The following EPC2 variants were observed in gnomAD, a reference collection of about 807,000 sequenced individuals.
EPC2 encodes enhancer of polycomb homolog 2.
In EPC2, 14 loss-of-function variants were observed where a neutral mutation model predicts 92.1. The observed-to-expected ratio is 0.15, with a 90% CI of 0.10 to 0.24. EPC2 has a LOEUF of 0.24. EPC2 is among the 10% of genes least tolerant of loss of function. EPC2 has a pLI of 1.00. For missense variants in EPC2, 755 were observed against 971.5 expected, an observed-to-expected ratio of 0.78 and a Z score of 2.96; for synonymous variants, 340 against 334.7, an observed-to-expected ratio of 1.02 and a Z score of -0.17.
chr2:148,653,012 G>C (rs1379802656), intron 1 of EPC2, among the ~76,000 whole-genome samples: 1 of 152,144 alleles, frequency 6.6e-6, no homozygotes, highest in Non-Finnish European at 1.5e-5. Context: ...GTGTAATGGT[G>C]TGTGTGTGAA....
At chr2:148,667,317 A>C (rs1315321829) in intron 1 of EPC2, among the ~76,000 whole-genome samples, 8 of 152,200 alleles carry the variant, frequency 5.3e-5, no homozygotes, top group Non-Finnish European at 1.0e-4. Flanking sequence ...GTTTCAGTAC[A>C]AAATAAAAGG....
At chr2:148,770,683 A>T in intron 8 of EPC2, 109 bp from the exon 9 acceptor site, 2 of 1,188,066 alleles carry the variant, frequency 1.7e-6, no homozygotes, top group Non-Finnish European at 2.2e-6. Flanking sequence ...TCTAGATTTT[A>T]ATTGTTCTGC....
chr2:148,779,014 C>A (rs996039121), intron 10 of EPC2, among the ~76,000 whole-genome samples: 1 of 152,042 alleles, frequency 6.6e-6, no homozygotes, highest in African/African-American at 2.4e-5. Context: ...GAAACACTGA[C>A]CATTAATCTG....
intron 2 of EPC2, among the ~76,000 whole-genome samples, chr2:148,703,067 A>C (rs1292597219): frequency 3.9e-5 from 6 of 152,222 alleles, no homozygotes; most frequent in Non-Finnish European, 8.8e-5. Flanking sequence ...GTTTTTAAGG[A>C]ACTTAAAATA....
intron 10 of EPC2, among the ~76,000 whole-genome samples, chr2:148,777,048 C>T (rs1281497015): frequency 3.3e-5 from 5 of 151,760 alleles, no homozygotes; most frequent in African/African-American, 1.2e-4. Context: ...TTAGGAGAGA[C>T]GGGGTTTCAC....
intron 2 of EPC2, among the ~76,000 whole-genome samples, chr2:148,696,086 T>C (rs1175903811): frequency 6.6e-6 from 1 of 152,142 alleles, no homozygotes; most frequent in East Asian, 1.9e-4. Context: ...TGGGCTGAAA[T>C]GGTAGAGTTG....
Position 148,787,217 on chromosome 2 carries a change from C to T in EPC2, c.*840C>T. 1 of 148,004 alleles carries T rather than the reference C, an allele frequency of 6.8e-6. No individual in the cohort carries two copies. Among genetic ancestry groups the T allele is most frequent in the East Asian group, 2.0e-4 (1 of 4,894 alleles). The allele number at this position is 148,004 out of a possible 1,614,324, so 9.2% of individuals were successfully genotyped here. A position where few individuals can be genotyped will look rare whatever the true frequency, so the allele number is the denominator to read the frequency against. Reference sequence around the variant, plus strand: ...ACTGTAACACATCACATAAAAGATACTTTACCAGGTATGTATTGCATTATA... The same window carrying T: ...ACTGTAACACATCACATAAAAGATATTTTACCAGGTATGTATTGCATTATA... On this transcript the variant is annotated 3_prime_UTR_variant, in exon 14 of 14. Transcript: ENST00000258484.
chr2:148,708,843 C>T (rs1408292807), intron 2 of EPC2, among the ~76,000 whole-genome samples: 1 of 152,120 alleles, frequency 6.6e-6, no homozygotes, highest in East Asian at 1.9e-4. Flanking sequence ...TGGAACATAT[C>T]TCAAAATAGT....
intron 7 of EPC2, among the ~76,000 whole-genome samples, chr2:148,765,552 G>C (rs1405197214): frequency 6.6e-6 from 1 of 152,026 alleles, no homozygotes; most frequent in Non-Finnish European, 1.5e-5. Context: ...CACCAGCATT[G>C]TGTTTTATAA....
chr2:148,737,221 A>G (rs938954955), intron 2 of EPC2, among the ~76,000 whole-genome samples: 1 of 152,250 alleles, frequency 6.6e-6, no homozygotes, highest in Non-Finnish European at 1.5e-5. Flanking sequence ...AGGCACTTTC[A>G]GTAGAACCCA....
intron 11 of EPC2, among the ~76,000 whole-genome samples, chr2:148,782,351 A>G (rs1413002646): frequency 1.3e-5 from 2 of 152,214 alleles, no homozygotes; most frequent in East Asian, 1.9e-4. Context: ...AGCCTGGTCA[A>G]CGTGGCAAAA....
At chr2:148,761,011 C>T (rs764195844) in intron 4 of EPC2, among the ~76,000 whole-genome samples, 3 of 152,256 alleles carry the variant, frequency 2.0e-5, no homozygotes, top group Non-Finnish European at 4.4e-5. Flanking sequence ...AGTGAGGAAT[C>T]TGTGGATGTT....
rs574344336 is a variant in EPC2, at chr2:148,752,718, AT to A, written c.460-1207del. ...ACAAATTACAATAAGAAACCGATGA[AT>A]TAATTCTAGAAATAATCATCATAGG... On this transcript the variant is annotated intron_variant, in intron 3 of 13. Transcript: ENST00000258484. Among the ~76,000 whole-genome samples, 278 of 152,322 alleles carry A rather than the reference AT, an allele frequency of 1.8e-3. 1 individual carries two copies. Among genetic ancestry groups the A allele is most frequent in the African/African-American group, 6.2e-3 (259 of 41,570 alleles).
intron 1 of EPC2, among the ~76,000 whole-genome samples, chr2:148,658,659 T>C (rs1326489667): frequency 6.6e-6 from 1 of 151,076 alleles, no homozygotes; most frequent in Non-Finnish European, 1.5e-5. Flanking sequence ...AGTTCTATTT[T>C]GTTAAAAATA....
At chr2:148,715,080 C>G (rs1682231193) in intron 2 of EPC2, among the ~76,000 whole-genome samples, 1 of 122,522 alleles carries the variant, frequency 8.2e-6, no homozygotes, top group African/African-American at 3.3e-5. Context: ...GTTGCCTAGG[C>G]TGAAGTGCAG....
chr2:148,645,300 T>G, intron 1 of EPC2, 130 bp downstream of exon 1: 1 of 811,876 alleles, frequency 1.2e-6, no homozygotes, highest in Admixed American at 3.1e-5. Flanking sequence ...CACGGGACTC[T>G]ACGCCGGCGG....
chr2:148,749,390 C>T (rs1214685123), intron 3 of EPC2, among the ~76,000 whole-genome samples: 2 of 151,892 alleles, frequency 1.3e-5, no homozygotes, highest in South Asian at 2.1e-4. Flanking sequence ...CAAATAGAAA[C>T]TTTGACTGAT....
At position 148,644,837 on chromosome 2, in the gene EPC2, C is replaced by T. The variant is rs367756009; in HGVS notation, c.-181C>T. On this transcript the variant is annotated 5_prime_UTR_variant, in exon 1 of 14. Transcript: ENST00000258484. ...TAGTGTGTGGAGGCGGCCGCGGGCG[C>T]GGGGGGCTGTTTTCGGGCGGGGTGG... 1.7e-5 allele frequency: 7 copies of T among 418,274 alleles called. No individual in the cohort carries two copies. Among genetic ancestry groups the T allele is most frequent in the South Asian group, 9.4e-5 (4 of 42,628 alleles). 25.9% of individuals were successfully genotyped at this position (418,274 alleles called of 1,614,324 possible).
chr2:148,772,892 AT>A (rs1683554453), intron 10 of EPC2, among the ~76,000 whole-genome samples: 1 of 152,188 alleles, frequency 6.6e-6, no homozygotes, highest in Non-Finnish European at 1.5e-5. Context: ...TGTACTAAAC[AT>A]TCTCAAAATA....
Sources: allele counts gnomAD v4.1 joint callset (sites outside exome capture counted in the v4.1 genomes callset), GRCh38; gene constraint gnomAD v4.1.1; transcripts MANE v1.5; gene names NCBI Gene and HGNC (gene_info 2026-07-23, HGNC 2026-07-21).